Variants in DEPDC1 observed in about 807,000 individuals in gnomAD.
DEPDC1 encodes DEP domain containing 1.
A neutral mutation model predicts 86.8 loss-of-function variants in DEPDC1; 66 were observed. The ratio of observed to expected loss-of-function variants is 0.76; its 90% CI spans 0.62 to 0.93. The LOEUF is 0.93. Among genes scored for constraint, DEPDC1 ranks in the 40% least tolerant of loss-of-function variants. The probability of loss-of-function intolerance (pLI) is 0.00; values close to 1 mark genes in which losing one functional copy is unlikely to be tolerated. For missense variants in DEPDC1, 792 were observed against 935.7 expected (o/e 0.85, Z 2.00); for synonymous variants, 255 against 314.9 (o/e 0.81, Z 2.02).
rs1646168415 is a variant in DEPDC1, at chr1:68,483,000, T to C, written c.911-103A>G. 34 of 1,216,412 alleles carry C rather than the reference T, an allele frequency of 2.8e-5. 1 individual carries two copies. The Middle Eastern group carries it at 6.5e-4, about 23-fold the overall frequency. The allele number at this position is 1,216,412 out of a possible 1,614,324, so 75.4% of individuals were successfully genotyped here. Reference sequence around the variant, plus strand: ...TAAAAAATAAAGCATTACTATAGTATATATTGTTAGTATAGTATACACAGT... The same window carrying C: ...TAAAAAATAAAGCATTACTATAGTACATATTGTTAGTATAGTATACACAGT... On this transcript the variant is annotated intron_variant, in intron 7 of 11. Coordinates refer to ENST00000456315, the MANE Select transcript of DEPDC1 (RefSeq NM_001114120.3).
At chr1:68,485,216 A>C (rs1410030629) in intron 6 of DEPDC1, among the ~76,000 whole-genome samples, 1 of 151,724 alleles carries the variant, frequency 6.6e-6, no homozygotes, top group African/African-American at 2.4e-5. Flanking sequence ...CAAAATAGAT[A>C]TTTTTCTAAG....
At chr1:68,481,774 T>C in intron 8 of DEPDC1, 162 bp from the exon 9 acceptor site, 1 of 652,256 alleles carries the variant, frequency 1.5e-6, no homozygotes, top group South Asian at 3.3e-5. Flanking sequence ...AAGATTCTCA[T>C]TATTTTCTTT....
chr1:68,477,620 G>T (rs1214581989), intron 11 of DEPDC1, among the ~76,000 whole-genome samples, 167 bp downstream of exon 11: 1 of 151,400 alleles, frequency 6.6e-6, no homozygotes, highest in East Asian at 1.9e-4. Flanking sequence ...GTACTCACAT[G>T]TTTTAGGTTA....
Position 68,482,328 on chromosome 1 carries a change from G to A in DEPDC1, c.1480C>T (p.Gln494Ter). Residue 494 changes from glutamine (Q) to a stop codon, truncating the protein, a stop_gained, in exon 8 of 12, where the codon CAA becomes TAA. Transcript: ENST00000456315. LOFTEE classifies it high-confidence loss of function. Reference protein sequence around the residue: ...KRTSTLTVQDQEELCNGKCKS... With the variant: ...KRTSTLTVQD ...CATTTCCCATTACACAACTCCTCTT[G>A]GTCTTGAACAGTCAAAGTAGAGGTT... 1.2e-6 allele frequency: 2 copies of A among 1,612,830 alleles called. No individual in the cohort carries two copies. Among genetic ancestry groups the A allele is most frequent in the Non-Finnish European group, 1.7e-6 (2 of 1,179,282 alleles).
intron 7 of DEPDC1, chr1:68,483,141 A>T (rs1484482587): frequency 1.8e-6 from 1 of 550,008 alleles, no homozygotes; most frequent in Admixed American, 2.8e-5. Context: ...TTATTTCAAC[A>T]GCCTAATTAA....
rs1051900351 is a variant in DEPDC1, at chr1:68,482,324, T to C, written c.1484A>G (p.Glu495Gly). The change falls in exon 8 of 12, where the codon GAG (glutamate) becomes GGG (glycine). Residue 495 changes from glutamate (E) to glycine (G), a missense_variant. By Grantham distance (98) the Glu-to-Gly change is moderately conservative (BLOSUM62 -2). Coordinates refer to ENST00000456315, the MANE Select transcript of DEPDC1 (RefSeq NM_001114120.3). ...RTSTLTVQDQ[E>G]ELCNGKCKSK... ...CTTGCATTTCCCATTACACAACTCC[T>C]CTTGGTCTTGAACAGTCAAAGTAGA... The C allele has an allele frequency of 1.2e-6, 2 of 1,612,814 alleles. No individual in the cohort carries two copies. Among genetic ancestry groups the C allele is most frequent in the African/African-American group, 1.3e-5 (1 of 74,866 alleles).
chr1:68,489,248 G>A (rs904385743), intron 3 of DEPDC1, among the ~76,000 whole-genome samples: 3 of 151,650 alleles, frequency 2.0e-5, no homozygotes, highest in Non-Finnish European at 1.5e-5. Flanking sequence ...TATAACTGTT[G>A]TTTTCAATTA....
chr1:68,476,320 T>A lies in DEPDC1; in HGVS notation c.*612A>T, dbSNP rs745845809. On this transcript the variant is annotated 3_prime_UTR_variant, in exon 12 of 12. Coordinates refer to ENST00000456315, the MANE Select transcript of DEPDC1 (RefSeq NM_001114120.3). Reference sequence around the variant, plus strand: ...TGAAAACTAGAATTCAAAATATATATACTGAACAAATGAATGACTGAAGCA... The same window carrying A: ...TGAAAACTAGAATTCAAAATATATAAACTGAACAAATGAATGACTGAAGCA... The A allele has an allele frequency of 1.3e-5, 2 of 151,844 alleles. No individual in the cohort carries two copies. The highest frequency in any genetic ancestry group is 4.1e-4 in the South Asian group (2 of 4,832). The allele number at this position is 151,844 out of a possible 1,614,324, so 9.4% of individuals were successfully genotyped here. A position where few individuals can be genotyped will look rare whatever the true frequency, so the allele number is the denominator to read the frequency against.
chr1:68,482,762 A>C lies in DEPDC1; in HGVS notation c.1046T>G (p.Leu349Arg). 1 of 1,612,752 alleles carries C rather than the reference A, an allele frequency of 6.2e-7. No individual in the cohort carries two copies. The highest frequency in any genetic ancestry group is 2.2e-5 in the East Asian group (1 of 44,812). Residue 349 changes from leucine (L) to arginine (R), a missense_variant, in exon 8 of 12, where the codon CTG (leucine) becomes CGG (arginine). Coordinates refer to ENST00000456315, the MANE Select transcript of DEPDC1 (RefSeq NM_001114120.3). ...FKSTECLLLS[L>R]LHREKNKEES... ...TTCTTTGTTTTTTTCTCTATGAAGC[A>C]GACTGAGAAGAAGGCACTCAGTTGA... is the stretch of plus-strand genomic sequence containing the variant.
rs760609671 is a variant in DEPDC1, at chr1:68,497,029, G to A, written c.-30C>T. The stretch of plus-strand genomic sequence containing the variant: ...CTGTCAGCGCCCGGTGGCGTCCATG[G>A]CGGCGAAGGCGACACTCAGGCCCAG... On this transcript the variant is annotated 5_prime_UTR_variant, in exon 1 of 12. Transcript: ENST00000456315. 1.2e-6 allele frequency: 2 copies of A among 1,610,254 alleles called. No individual in the cohort carries two copies. The highest frequency in any genetic ancestry group is 2.7e-5 in the African/African-American group (2 of 74,604).
intron 9 of DEPDC1, among the ~76,000 whole-genome samples, chr1:68,481,023 A>T (rs1195878069): frequency 6.6e-6 from 1 of 151,914 alleles, no homozygotes; most frequent in Non-Finnish European, 1.5e-5. Context: ...TTCCATTACT[A>T]TATTCTCTGA....
Position 68,482,547 on chromosome 1 carries a change from A to G in DEPDC1, c.1261T>C (p.Cys421Arg). 6.2e-7 allele frequency: 1 copy of G among 1,613,206 alleles called. No individual in the cohort carries two copies. The highest frequency in any genetic ancestry group is 8.5e-7 in the Non-Finnish European group (1 of 1,179,368). Residue 421 changes from cysteine to arginine, a missense_variant, in exon 8 of 12, where the codon TGT (cysteine) becomes CGT (arginine). Transcript: ENST00000456315. ...ACATCTACAATTCCTTCCAAAGAAC[A>G]GCACCTTGGTTTGCTGTTAGAGGAT... The part of the protein sequence containing the change: ...DLSSNSKPRC[C>R]SLEGIVDVPG...
Position 68,496,955 on chromosome 1 carries a change from CT to C in DEPDC1, c.44del (p.Lys15SerfsTer16), listed in dbSNP as rs764579796. The C allele has an allele frequency of 6.2e-7, 1 of 1,612,208 alleles. No individual in the cohort carries two copies. Among genetic ancestry groups the C allele is most frequent in the Non-Finnish European group, 8.5e-7 (1 of 1,179,022 alleles). ...GVPPGPYRAT[K>X]LWNEVTTSFR... is the part of the protein sequence containing the mutation. ...CCGTCTATCCGAGCTGTCTTACCAG[CT>C]TGGTGGCCCGATAAGGCCCGGGAGG... is the stretch of plus-strand genomic sequence containing the variant. On this transcript the variant is annotated frameshift_variant, in exon 1 of 12. Transcript: ENST00000456315. LOFTEE classifies it high-confidence loss of function. The surrounding 1 kb of genome is among the most constrained non-coding windows in gnomAD (Gnocchi z 4.0).
Position 68,474,402 on chromosome 1 carries a change from T to C in DEPDC1, c.*2530A>G, listed in dbSNP as rs754570028. 4.6e-5 allele frequency: 7 copies of C among 152,082 alleles called. No individual in the cohort carries two copies. Among genetic ancestry groups the C allele is most frequent in the Non-Finnish European group, 7.4e-5 (5 of 67,984 alleles). 9.4% of individuals were successfully genotyped at this position (152,082 alleles called of 1,614,324 possible). On this transcript the variant is annotated 3_prime_UTR_variant, in exon 12 of 12. Transcript: ENST00000456315. Reference sequence around the variant, plus strand: ...ATTCCATGTACATTCCATTACTAAATGCCACATAACTGTTTGGATAACATA... The same window carrying C: ...ATTCCATGTACATTCCATTACTAAACGCCACATAACTGTTTGGATAACATA...
chr1:68,492,535 C>T (rs918917322), intron 2 of DEPDC1, among the ~76,000 whole-genome samples: 1 of 151,674 alleles, frequency 6.6e-6, no homozygotes, highest in Admixed American at 6.6e-5. Context: ...AGTGAAACCC[C>T]GTGTCCACAA....
Position 68,486,959 on chromosome 1 carries a change from A to C in DEPDC1, c.747T>G (p.Ser249=). The change falls in exon 6 of 12, where the codon TCT becomes TCG. Residue 249 remains serine, a synonymous_variant. Coordinates refer to ENST00000456315, the MANE Select transcript of DEPDC1 (RefSeq NM_001114120.3). ...KSDDLPHWVL[S]AMKCLANWPR... ...TACAATTTGCTAGGCACTTCATGGC[A>C]GATAATACCCAGTGAGGGAGGTCAT... The C allele has an allele frequency of 6.2e-7, 1 of 1,603,542 alleles. No homozygotes were observed. Among genetic ancestry groups the C allele is most frequent in the South Asian group, 1.1e-5 (1 of 89,110 alleles).
chr1:68,490,502 C>T (rs1646222820), intron 2 of DEPDC1, among the ~76,000 whole-genome samples: 1 of 152,122 alleles, frequency 6.6e-6, no homozygotes, highest in Non-Finnish European at 1.5e-5. Context: ...CAGTATACCA[C>T]TGAGGGACAT....
chr1:68,495,180 TATTA>T (rs1399079075), intron 1 of DEPDC1, among the ~76,000 whole-genome samples: 1 of 152,184 alleles, frequency 6.6e-6, no homozygotes, highest in Admixed American at 6.5e-5. Context: ...GCTTTCTTTT[TATTA>T]ATTCTAGTGC....
rs1417380593 is a variant in DEPDC1 at position 68,496,960 on chromosome 1, TGGCCCGATAA to T, written c.30_39del (p.Tyr11ProfsTer17). The T allele has an allele frequency of 6.2e-7, 1 of 1,612,180 alleles. No individual in the cohort carries two copies. Among genetic ancestry groups the T allele is most frequent in the South Asian group, 1.1e-5 (1 of 90,958 alleles). ...TATCCGAGCTGTCTTACCAGCTTGG[TGGCCCGATAA>T]GGCCCGGGAGGCACACCCTGACTCT... On this transcript the variant is annotated frameshift_variant, in exon 1 of 12. Coordinates refer to ENST00000456315, the MANE Select transcript of DEPDC1 (RefSeq NM_001114120.3). LOFTEE classifies it high-confidence loss of function. The surrounding 1 kb of genome is among the most constrained non-coding windows in gnomAD (Gnocchi z 4.0).
Sources: allele counts gnomAD v4.1 joint callset (sites outside exome capture counted in the v4.1 genomes callset), GRCh38; gene constraint gnomAD v4.1.1; non-coding constraint Gnocchi (gnomAD v3.1); transcripts MANE v1.5; gene names NCBI Gene and HGNC (gene_info 2026-07-23, HGNC 2026-07-21).